The following GRIA4 variants were observed in gnomAD, a reference collection of about 807,000 sequenced individuals.
The protein encoded by GRIA4 is glutamate receptor 4.
A neutral mutation model predicts 104.0 loss-of-function variants in GRIA4; 34 were observed. The ratio of observed to expected loss-of-function variants is 0.33; its 90% CI spans 0.25 to 0.44. The LOEUF (loss-of-function observed/expected upper bound fraction) is 0.44, where lower values mean the gene tolerates loss of function less well. Ranked by LOEUF, GRIA4 falls within the 20% of genes least tolerant of loss-of-function variation. The probability of loss-of-function intolerance (pLI) is 1.00; values close to 1 mark genes in which losing one functional copy is unlikely to be tolerated. For synonymous variants in GRIA4, 386 were observed against 381.9 expected (o/e 1.01, Z -0.13); for missense variants, 750 against 1,096.5 (o/e 0.68, Z 4.46).
chr11:105,689,771 G>T (rs371560618), intron 3 of GRIA4, among the ~76,000 whole-genome samples: 1 of 152,096 alleles, frequency 6.6e-6, no homozygotes, highest in Non-Finnish European at 1.5e-5. Context: ...CTTAGTATCC[G>T]CAAGGCATGT....
At chr11:105,929,186 C>A (rs954301732) in intron 13 of GRIA4, among the ~76,000 whole-genome samples, 2 of 151,972 alleles carry the variant, frequency 1.3e-5, no homozygotes, top group African/African-American at 4.8e-5. Flanking sequence ...TTTAAATAAA[C>A]CATTTGTCTG....
At chr11:105,817,673 AT>A (rs1374863417) in intron 4 of GRIA4, among the ~76,000 whole-genome samples, 1 of 152,090 alleles carries the variant, frequency 6.6e-6, no homozygotes, top group East Asian at 1.9e-4. Context: ...AATTCAGTAG[AT>A]TCTTGTAAGA....
In GRIA4 at chr11:105,697,535, G is replaced by A. The variant is rs866694364; in HGVS notation, c.248-55446G>A. On this transcript the variant is annotated intron_variant, in intron 3 of 16. Coordinates refer to ENST00000282499, the MANE Select transcript of GRIA4 (RefSeq NM_000829.4). The stretch of plus-strand genomic sequence containing the variant: ...AGAACATGCAAATTTGCTTTTCAAA[G>A]AAGGCACAGGTGTGCTTTGCAAACC... Among the ~76,000 whole-genome samples the A allele has an allele frequency of 3.3e-5, 5 of 152,208 alleles. No individual in the cohort carries two copies. The South Asian group carries it at 1.0e-3, about 31-fold the overall frequency.
intron 4 of GRIA4, among the ~76,000 whole-genome samples, chr11:105,786,419 G>T (rs1336970137): frequency 6.6e-6 from 1 of 152,132 alleles, no homozygotes; most frequent in African/African-American, 2.4e-5. Context: ...GGAACATTTA[G>T]CTTTCTTATT....
intron 5 of GRIA4, among the ~76,000 whole-genome samples, chr11:105,884,068 G>T (rs1050217510): frequency 1.3e-5 from 2 of 152,068 alleles, no homozygotes; most frequent in East Asian, 1.9e-4. Flanking sequence ...AGGAAGCACC[G>T]TTTCTTTCAA....
chr11:105,713,343 C>T (rs1423411363), intron 3 of GRIA4, among the ~76,000 whole-genome samples: 3 of 151,742 alleles, frequency 2.0e-5, no homozygotes, highest in Admixed American at 6.6e-5. Context: ...GATTGCACCA[C>T]TGCACCCCAG....
intron 5 of GRIA4, among the ~76,000 whole-genome samples, chr11:105,864,224 CTGT>C (rs1219163605): frequency 6.6e-6 from 1 of 152,114 alleles, no homozygotes; most frequent in African/African-American, 2.4e-5. Flanking sequence ...TCTGAACATG[CTGT>C]TGTTGTTGTT....
intron 5 of GRIA4, among the ~76,000 whole-genome samples, chr11:105,880,555 T>C (rs1946014980): frequency 6.6e-6 from 1 of 152,206 alleles, no homozygotes; most frequent in Non-Finnish European, 1.5e-5. Context: ...TATAAAGTGA[T>C]CTAAAATCTG....
chr11:105,872,901 A>C (rs989246691), intron 5 of GRIA4, among the ~76,000 whole-genome samples: 1 of 152,044 alleles, frequency 6.6e-6, no homozygotes, highest in Non-Finnish European at 1.5e-5. Flanking sequence ...GAATTTTTTC[A>C]CAGGAATATC....
At chr11:105,835,820 G>A (rs1944161414) in intron 4 of GRIA4, among the ~76,000 whole-genome samples, 1 of 151,950 alleles carries the variant, frequency 6.6e-6, no homozygotes, top group Admixed American at 6.6e-5. Context: ...ACAAGAAAAT[G>A]AATCAACTAG....
intron 10 of GRIA4, 137 bp downstream of exon 10, chr11:105,910,682 G>C (rs1938908): frequency 0.091 from 52,423 of 578,922 alleles, 2,989 homozygotes; most frequent in Admixed American, 0.2. Flanking sequence ...AAATCCTATT[G>C]AGGCTTTGAA....
At chr11:105,762,712 G>A (rs940905741) in intron 4 of GRIA4, among the ~76,000 whole-genome samples, 1 of 152,128 alleles carries the variant, frequency 6.6e-6, no homozygotes, top group Admixed American at 6.6e-5. Flanking sequence ...AGATCTGATG[G>A]TTTTATAAAG....
chr11:105,922,061 T>C (rs1219872584), intron 11 of GRIA4, among the ~76,000 whole-genome samples: 1 of 151,946 alleles, frequency 6.6e-6, no homozygotes, highest in Non-Finnish European at 1.5e-5. Context: ...AATTGATGAT[T>C]AGGGAAAAAA....
chr11:105,900,672 T>C (rs573368427), intron 7 of GRIA4, among the ~76,000 whole-genome samples: 8 of 152,312 alleles, frequency 5.3e-5, no homozygotes, highest in African/African-American at 1.9e-4. Flanking sequence ...CACTGCAACT[T>C]CCACCTCCTG....
intron 3 of GRIA4, among the ~76,000 whole-genome samples, chr11:105,668,986 T>A (rs1952272861): frequency 6.6e-6 from 1 of 151,992 alleles, no homozygotes; most frequent in Non-Finnish European, 1.5e-5. Flanking sequence ...GACATCACAA[T>A]GTTCAAAAAC....
intron 9 of GRIA4, 112 bp from the exon 10 acceptor site, chr11:105,910,323 G>T: frequency 1.2e-4 from 69 of 586,656 alleles, no homozygotes; most frequent in South Asian, 1.8e-4. Flanking sequence ...CTTTTGTTTT[G>T]TTTGCTTACA....
intron 4 of GRIA4, among the ~76,000 whole-genome samples, chr11:105,861,171 T>A (rs189096566): frequency 7.9e-5 from 12 of 152,240 alleles, no homozygotes; most frequent in African/African-American, 2.9e-4. Flanking sequence ...TATTCTCTCA[T>A]GGCAGGCTGT....
intron 3 of GRIA4, among the ~76,000 whole-genome samples, chr11:105,690,902 T>C (rs1008677448): frequency 3.9e-5 from 6 of 152,218 alleles, no homozygotes; most frequent in African/African-American, 1.4e-4. Context: ...CATGAGTTAA[T>C]TGGCCAATCT....
At chr11:105,700,153 G>T (rs192231962) in intron 3 of GRIA4, among the ~76,000 whole-genome samples, 36 of 152,330 alleles carry the variant, frequency 2.4e-4, no homozygotes, top group Admixed American at 3.9e-4. Flanking sequence ...GCCACCTTAA[G>T]CATCCCTCTG....
Sources: gnomAD v4.1 joint callset for allele counts (sites outside exome capture counted in the v4.1 genomes callset) on GRCh38, gnomAD v4.1.1 for gene constraint, MANE v1.5 for transcripts, NCBI Gene and HGNC (gene_info 2026-07-23, HGNC 2026-07-21) for gene names.